Variants in MAP2 observed in about 807,000 individuals in gnomAD.
The protein encoded by MAP2 is microtubule-associated protein 2.
In MAP2, 14 loss-of-function variants were observed where a neutral mutation model predicts 137.6. The observed-to-expected ratio is 0.10, with a 90% CI of 0.07 to 0.16. The LOEUF (loss-of-function observed/expected upper bound fraction) is 0.16, where lower values mean the gene tolerates loss of function less well. Among genes scored for constraint, MAP2 ranks in the 10% least tolerant of loss-of-function variants. The pLI is 1.00. For missense variants in MAP2, 2,088 were observed against 2,191.5 expected (o/e 0.95, Z 0.94); for synonymous variants, 786 against 782.3 (o/e 1.00, Z -0.08).
chr2:209,614,651 T>C (rs1201702565), intron 3 of MAP2, among the ~76,000 whole-genome samples: 1 of 152,204 alleles, frequency 6.6e-6, no homozygotes, highest in Admixed American at 6.5e-5. Flanking sequence ...GAAACTCACT[T>C]TTTAAAATGC....
chr2:209,542,468 C>G (rs1328043220), intron 2 of MAP2, among the ~76,000 whole-genome samples: 1 of 152,230 alleles, frequency 6.6e-6, no homozygotes, highest in African/African-American at 2.4e-5. Flanking sequence ...GGAGAGTCAG[C>G]CTGTCCTTTG....
At position 209,594,050 on chromosome 2, in the gene MAP2, A is replaced by G. The variant is rs545742709; in HGVS notation, c.-107+13950A>G. Among the ~76,000 whole-genome samples, 102 of 145,326 alleles carry G rather than the reference A, an allele frequency of 7.0e-4. 1 individual carries two copies. In the Middle Eastern group the frequency reaches 0.01, roughly 15 times the overall value. On this transcript the variant is annotated intron_variant, in intron 3 of 15. Transcript: ENST00000682079. ...GTAGTCCCAGCCACTTGACAGGCTG[A>G]TACGAGAGGATCACTGGAGCCCAGG...
intron 1 of MAP2, among the ~76,000 whole-genome samples, chr2:209,441,197 T>C (rs1387037987): frequency 1.3e-5 from 2 of 151,592 alleles, no homozygotes; most frequent in Admixed American, 6.6e-5. Context: ...ATATTCACCC[T>C]TCCTGTATCT....
At chr2:209,562,628 C>CT (rs1559323435) in intron 2 of MAP2, among the ~76,000 whole-genome samples, 1 of 151,650 alleles carries the variant, frequency 6.6e-6, no homozygotes, top group African/African-American at 2.4e-5. Flanking sequence ...ACCCAGAAGG[C>CT]GGAGGTTGCA....
At chr2:209,516,783 G>T (rs1158765855) in intron 2 of MAP2, among the ~76,000 whole-genome samples, 3 of 152,042 alleles carry the variant, frequency 2.0e-5, no homozygotes, top group East Asian at 1.9e-4. Flanking sequence ...TGCACTTAGG[G>T]TATCCCTTGG....
At chr2:209,615,150 T>C (rs1195312727) in intron 3 of MAP2, among the ~76,000 whole-genome samples, 1 of 152,102 alleles carries the variant, frequency 6.6e-6, no homozygotes, top group Non-Finnish European at 1.5e-5. Context: ...AGACCACAGC[T>C]GGAATCTGAA....
chr2:209,578,334 G>A (rs1181493273), intron 2 of MAP2, among the ~76,000 whole-genome samples: 1 of 151,846 alleles, frequency 6.6e-6, no homozygotes, highest in Non-Finnish European at 1.5e-5. Context: ...TAAAAAATGG[G>A]GCAGAAAGGT....
chr2:209,613,609 GCT>G (rs2087846178), intron 3 of MAP2, among the ~76,000 whole-genome samples: 1 of 152,026 alleles, frequency 6.6e-6, no homozygotes, highest in Admixed American at 6.5e-5. Context: ...GCGGAGAAGA[GCT>G]CTACACTTGG....
intron 1 of MAP2, among the ~76,000 whole-genome samples, chr2:209,475,023 A>G (rs1350638477): frequency 1.3e-5 from 2 of 151,930 alleles, no homozygotes; most frequent in East Asian, 3.8e-4. Flanking sequence ...TTTCCTACCT[A>G]ATAATTTTCT....
intron 2 of MAP2, among the ~76,000 whole-genome samples, chr2:209,572,428 T>G (rs2153376169): frequency 6.6e-6 from 1 of 152,222 alleles, no homozygotes; most frequent in African/African-American, 2.4e-5. Context: ...TCTTACTGGG[T>G]TTTATGTATA....
chr2:209,468,195 A>C (rs1262007109), intron 1 of MAP2, among the ~76,000 whole-genome samples: 1 of 151,672 alleles, frequency 6.6e-6, no homozygotes, highest in African/African-American at 2.4e-5. Flanking sequence ...TCTCAATAGA[A>C]TTATTCTAAA....
rs146908968 is a variant in MAP2 at position 209,695,491 on chromosome 2, G to A, written c.3321G>A (p.Glu1107=). ...GHMKEGTKVS[E]TEVKEKVAKP... ...TGAAAGAAGGCACTAAAGTTAGTGA[G>A]ACAGAAGTCAAAGAGAAGGTGGCCA... Residue 1107 remains glutamate (E), a synonymous_variant, in exon 8 of 16, where the codon GAG becomes GAA. Coordinates refer to ENST00000682079, the MANE Select transcript of MAP2 (RefSeq NM_001375505.1). 1.9e-6 allele frequency: 3 copies of A among 1,614,152 alleles called. No homozygotes were observed. Among genetic ancestry groups the A allele is most frequent in the Middle Eastern group, 3.3e-4 (2 of 6,060 alleles).
At chr2:209,518,803 A>C (rs578176121) in intron 2 of MAP2, among the ~76,000 whole-genome samples, 1 of 152,098 alleles carries the variant, frequency 6.6e-6, no homozygotes, top group South Asian at 2.1e-4. Flanking sequence ...AAAGAAAAAA[A>C]TAAACATTGA....
chr2:209,690,287 G>T (rs2058465833), intron 7 of MAP2, among the ~76,000 whole-genome samples: 1 of 151,900 alleles, frequency 6.6e-6, no homozygotes, highest in African/African-American at 2.4e-5. Context: ...CCACATGCGT[G>T]CAACTTACTG....
intron 2 of MAP2, among the ~76,000 whole-genome samples, chr2:209,557,360 A>G (rs2070922123): frequency 6.6e-6 from 1 of 152,234 alleles, no homozygotes; most frequent in Non-Finnish European, 1.5e-5. Context: ...TAAGAAGAGA[A>G]GACTCCTGTC....
chr2:209,727,283 A>C (rs923750465), intron 14 of MAP2, among the ~76,000 whole-genome samples: 1 of 152,226 alleles, frequency 6.6e-6, no homozygotes, highest in Admixed American at 6.5e-5. Context: ...GTCTACAAAC[A>C]CTAAATTGAC....
rs1310529584 is a variant in MAP2 at position 209,695,749 on chromosome 2, G to A, written c.3579G>A (p.Gln1193=). 11 of 1,613,862 alleles carry A rather than the reference G, an allele frequency of 6.8e-6. No homozygotes were observed. The East Asian group carries it at 8.9e-5, about 13-fold the overall frequency. ...DLATDERADV[Q]MEFIQGPKEE... Reference sequence around the variant, plus strand: ...CCACAGATGAGAGAGCTGATGTCCAGATGGAATTTATTCAGGGGCCAAAAG... The same window carrying A: ...CCACAGATGAGAGAGCTGATGTCCAAATGGAATTTATTCAGGGGCCAAAAG... The change falls in exon 8 of 16, where the codon CAG becomes CAA. Residue 1193 remains glutamine, a synonymous_variant. Transcript: ENST00000682079.
At chr2:209,648,187 C>T (rs1054258428) in intron 4 of MAP2, among the ~76,000 whole-genome samples, 2 of 151,510 alleles carry the variant, frequency 1.3e-5, no homozygotes, top group African/African-American at 2.4e-5. Context: ...CTGCAACCTC[C>T]GCCTCCCAGG....
chr2:209,508,617 T>C (rs1449683259), intron 2 of MAP2, among the ~76,000 whole-genome samples: 2 of 149,566 alleles, frequency 1.3e-5, no homozygotes, highest in East Asian at 2.0e-4. Context: ...CACACAGAGA[T>C]GAAAAACTAC....
Sources: allele counts gnomAD v4.1 joint callset (sites outside exome capture counted in the v4.1 genomes callset), GRCh38; gene constraint gnomAD v4.1.1; transcripts MANE v1.5; gene names NCBI Gene and HGNC (gene_info 2026-07-23, HGNC 2026-07-21).